The following TMEM131 variants were observed in gnomAD, a reference collection of about 807,000 sequenced individuals.
TMEM131 encodes 2610524E03Rik.
TMEM131 carries 66 observed loss-of-function variants against 211.6 expected under a neutral mutation model. The ratio of observed to expected loss-of-function variants is 0.31; its 90% CI spans 0.26 to 0.38. The LOEUF is 0.38. Ranked by LOEUF, TMEM131 falls within the 10% of genes least tolerant of loss-of-function variation. The probability of loss-of-function intolerance (pLI) is 1.00; values close to 1 mark genes in which losing one functional copy is unlikely to be tolerated. For synonymous variants in TMEM131, 844 were observed against 841.3 expected (o/e 1.00, Z -0.06); for missense variants, 2,036 against 2,299.3 (o/e 0.89, Z 2.34).
chr2:97,872,432 C>A (rs1381318030), intron 4 of TMEM131, among the ~76,000 whole-genome samples: 3 of 152,122 alleles, frequency 2.0e-5, no homozygotes, highest in Non-Finnish European at 4.4e-5. Context: ...CATGCAAACC[C>A]ACTCCAGCCT....
At chr2:97,953,315 A>AAC (rs1341590611) in intron 1 of TMEM131, among the ~76,000 whole-genome samples, 4 of 152,242 alleles carry the variant, frequency 2.6e-5, no homozygotes, top group Non-Finnish European at 5.9e-5. Flanking sequence ...ACTTATTTCA[A>AAC]ACACATCAGT....
At position 97,792,967 on chromosome 2, in the gene TMEM131, C is replaced by T. The variant is rs371127846; in HGVS notation, c.3563G>A (p.Cys1188Tyr). 52 of 1,581,216 alleles carry T rather than the reference C, an allele frequency of 3.3e-5. No homozygotes were observed. The highest frequency in any genetic ancestry group is 4.3e-5 in the Non-Finnish European group (50 of 1,163,924). ...SSEGNLNTLSCDPGHSRGFCG... is the reference protein window; with the variant it reads ...SSEGNLNTLSYDPGHSRGFCG... Reference sequence around the variant, plus strand: ...GAACCCCCTACTGTGACCGGGGTCACAGCTGAGTGTGTTCAAGCTGAAAAA... The same window carrying T: ...GAACCCCCTACTGTGACCGGGGTCATAGCTGAGTGTGTTCAAGCTGAAAAA... The change falls in exon 31 of 41, where the codon TGT (cysteine) becomes TAT (tyrosine). Residue 1188 changes from cysteine to tyrosine, a missense_variant. Cys to Tyr is a radical substitution (Grantham distance 194). This residue lies in a region of TMEM131 where 1,623 missense variants were observed against 1,805.9 expected (regional missense o/e 0.90). Coordinates refer to ENST00000186436, the MANE Select transcript of TMEM131 (RefSeq NM_015348.2).
intron 4 of TMEM131, among the ~76,000 whole-genome samples, chr2:97,872,216 A>C (rs1158547869): frequency 6.6e-6 from 1 of 152,148 alleles, no homozygotes; most frequent in African/African-American, 2.4e-5. Flanking sequence ...GTCAAGAAAG[A>C]AGCAAGGGAA....
chr2:97,791,241 C>T (rs1161686479), intron 31 of TMEM131, among the ~76,000 whole-genome samples: 1 of 152,232 alleles, frequency 6.6e-6, no homozygotes, highest in East Asian at 1.9e-4. Context: ...GACTTCCAAG[C>T]TCCCAGTGGT....
intron 11 of TMEM131, among the ~76,000 whole-genome samples, chr2:97,826,303 G>A (rs1467512421): frequency 6.6e-6 from 1 of 152,238 alleles, no homozygotes; most frequent in Non-Finnish European, 1.5e-5. Flanking sequence ...GAATAAATGT[G>A]TGTATACAGA....
rs182297777 is a variant in TMEM131, at chr2:97,885,485, G to A, written c.359+2567C>T. Among the ~76,000 whole-genome samples the A allele has an allele frequency of 3.3e-5, 5 of 152,234 alleles. No homozygotes were observed. In the East Asian group the frequency reaches 9.7e-4, roughly 29 times the overall value. On this transcript the variant is annotated intron_variant, in intron 4 of 40. Coordinates refer to ENST00000186436, the MANE Select transcript of TMEM131 (RefSeq NM_015348.2). ...TTACAGGCGTGAGCCACCGCGCCCG[G>A]CCGTTTGTGAAAGATTTTAATTCTT...
intron 1 of TMEM131, among the ~76,000 whole-genome samples, chr2:97,944,957 T>C (rs909684768): frequency 6.6e-6 from 1 of 152,104 alleles, no homozygotes; most frequent in Non-Finnish European, 1.5e-5. Flanking sequence ...TATACTCTTA[T>C]GTATATACAT....
chr2:97,813,518 C>A (rs1681664804), intron 15 of TMEM131, among the ~76,000 whole-genome samples: 1 of 152,260 alleles, frequency 6.6e-6, no homozygotes, highest in South Asian at 2.1e-4. Context: ...CATATATAAT[C>A]TTCCAACTTT....
intron 4 of TMEM131, among the ~76,000 whole-genome samples, chr2:97,883,731 C>T (rs1350930454): frequency 6.6e-6 from 1 of 151,974 alleles, no homozygotes; most frequent in Non-Finnish European, 1.5e-5. Flanking sequence ...GTGAATTTAA[C>T]AAATATAATA....
intron 1 of TMEM131, among the ~76,000 whole-genome samples, chr2:97,966,429 T>C (rs898207683): frequency 1.3e-5 from 2 of 152,310 alleles, no homozygotes; most frequent in African/African-American, 2.4e-5. Flanking sequence ...CTTAAAAGTA[T>C]TTTGAGAAAC....
intron 3 of TMEM131, among the ~76,000 whole-genome samples, chr2:97,893,891 A>G (rs1402110436): frequency 1.3e-5 from 2 of 152,114 alleles, no homozygotes; most frequent in Admixed American, 6.5e-5. Context: ...ATTAGATCCC[A>G]TGTGTCAATT....
chr2:97,942,821 G>T (rs1677804345), intron 1 of TMEM131, among the ~76,000 whole-genome samples: 1 of 151,556 alleles, frequency 6.6e-6, no homozygotes, highest in Non-Finnish European at 1.5e-5. Context: ...TTTTTAAAAA[G>T]CATAAAGAAG....
At chr2:97,780,866 C>T (rs992633007) in intron 31 of TMEM131, among the ~76,000 whole-genome samples, 2 of 150,040 alleles carry the variant, frequency 1.3e-5, no homozygotes, top group East Asian at 1.9e-4. Context: ...TAGAAAAACT[C>T]GGAAGTGTGT....
chr2:97,865,560 T>A (rs993300730), intron 4 of TMEM131, among the ~76,000 whole-genome samples: 4 of 152,226 alleles, frequency 2.6e-5, no homozygotes, highest in Admixed American at 2.0e-4. Flanking sequence ...TGTATTGATT[T>A]TTTCAATGTT....
At chr2:97,877,396 A>C (rs1674743179) in intron 4 of TMEM131, among the ~76,000 whole-genome samples, 1 of 152,220 alleles carries the variant, frequency 6.6e-6, no homozygotes, top group Non-Finnish European at 1.5e-5. Flanking sequence ...CCGTATTGCC[A>C]AGACAATCCT....
At chr2:97,835,388 T>C (rs1244986551) in intron 8 of TMEM131, among the ~76,000 whole-genome samples, 2 of 152,194 alleles carry the variant, frequency 1.3e-5, no homozygotes, top group African/African-American at 4.8e-5. Flanking sequence ...CTTACACTGC[T>C]CTTTCATGGA....
intron 2 of TMEM131, among the ~76,000 whole-genome samples, chr2:97,919,111 A>G (rs536044528): frequency 1.3e-5 from 2 of 152,376 alleles, no homozygotes; most frequent in South Asian, 4.1e-4. Context: ...AGACCCAGGT[A>G]GAAGTTGTCA....
chr2:97,836,771 TA>T lies in TMEM131; in HGVS notation c.804+305del, dbSNP rs1682960212. 3.3e-5 allele frequency among the ~76,000 whole-genome samples: 5 copies of T among 152,308 alleles called. No individual in the cohort carries two copies. In the South Asian group the frequency reaches 1.0e-3, roughly 32 times the overall value. On this transcript the variant is annotated intron_variant, in intron 8 of 40. Transcript: ENST00000186436. ...ATTTTTTTATGTGTAAAGCACATCATAAATTATCAGACTCAGAGACAACTTT... is the reference window on the plus strand; with the variant it reads ...ATTTTTTTATGTGTAAAGCACATCATAATTATCAGACTCAGAGACAACTTT...
rs1559389635 is a variant in TMEM131, at chr2:97,834,822, T to C, written c.908A>G (p.Asp303Gly). The C allele has an allele frequency of 1.2e-6, 2 of 1,613,912 alleles. No homozygotes were observed. Among genetic ancestry groups the C allele is most frequent in the Admixed American group, 1.7e-5 (1 of 60,024 alleles). Residue 303 changes from aspartate to glycine, a missense_variant, in exon 9 of 41, where the codon GAC (aspartate) becomes GGC (glycine). Asp to Gly is a moderately conservative substitution (Grantham distance 94). This residue lies in a region of TMEM131 where 277 missense variants were observed against 378.0 expected (regional missense o/e 0.73). Transcript: ENST00000186436. ...AFIRIKTNAS[D>G]STEFIILPVE... is the part of the protein sequence containing the mutation. ...AGGAAGAATGATAAACTCTGTGCTG[T>C]CTGAAGCATTAGTCTTTATTCTTAT... is the stretch of plus-strand genomic sequence containing the variant.
Sources: gnomAD v4.1 joint callset for allele counts (sites outside exome capture counted in the v4.1 genomes callset) on GRCh38, gnomAD v4.1.1 for gene constraint, gnomAD v4.1.1 regional missense constraint, MANE v1.5 for transcripts, NCBI Gene and HGNC (gene_info 2026-07-23, HGNC 2026-07-21) for gene names.